CAND2: variants seen among roughly 807,000 people sequenced by gnomAD.
CAND2 encodes cullin-associated NEDD8-dissociated protein 2.
A neutral mutation model predicts 98.9 loss-of-function variants in CAND2; 62 were observed. The ratio of observed to expected loss-of-function variants is 0.63; its 90% CI spans 0.51 to 0.77. The LOEUF (loss-of-function observed/expected upper bound fraction) is 0.77, where lower values mean the gene tolerates loss of function less well. CAND2 is among the 30% of genes least tolerant of loss of function. The pLI, the probability that CAND2 is intolerant of heterozygous loss-of-function variation, is 0.00. For synonymous variants in CAND2, 770 were observed against 731.9 expected, an observed-to-expected ratio of 1.05 and a Z score of -0.84; for missense variants, 1,501 against 1,655.2, an observed-to-expected ratio of 0.91 and a Z score of 1.62.
chr3:12,810,005 G>A, intron 4 of CAND2, 54 bp from the exon 5 acceptor site: 1 of 1,389,460 alleles, frequency 7.2e-7, no homozygotes, highest in Non-Finnish European at 9.3e-7. Flanking sequence ...GGCGGAGCCT[G>A]GCCCAGGTTG....
chr3:12,815,696 G>T lies in CAND2; in HGVS notation c.1300-171G>T, dbSNP rs1160922668. Among the ~76,000 whole-genome samples the T allele has an allele frequency of 6.6e-6, 1 of 152,192 alleles. No individual in the cohort carries two copies. The highest frequency in any genetic ancestry group is 1.5e-5 in the Non-Finnish European group (1 of 68,042). Reference sequence around the variant, plus strand: ...CAGAAAATTTGCCTACTCTCCAAGGGTCTGTGTGCGGTCACCAAAAGCCTG... The same window carrying T: ...CAGAAAATTTGCCTACTCTCCAAGGTTCTGTGTGCGGTCACCAAAAGCCTG... On this transcript the variant is annotated intron_variant, in intron 8 of 14. Coordinates refer to ENST00000456430, the MANE Select transcript of CAND2 (RefSeq NM_001162499.2). The surrounding 1 kb of genome is among the most constrained non-coding windows in gnomAD (Gnocchi z 5.7).
chr3:12,822,335 C>T lies in CAND2; in HGVS notation c.3040+2154C>T, dbSNP rs570857152. Among the ~76,000 whole-genome samples, 7 of 147,216 alleles carry T rather than the reference C, an allele frequency of 4.8e-5. No individual in the cohort carries two copies. The South Asian group carries it at 1.5e-3, about 31-fold the overall frequency. ...TTTTTGAGAGAGTCTCACTCTGTCACCCAGGCTGGAAGGCAATGGCACAGT... is the reference window on the plus strand; with the variant it reads ...TTTTTGAGAGAGTCTCACTCTGTCATCCAGGCTGGAAGGCAATGGCACAGT... On this transcript the variant is annotated intron_variant, in intron 11 of 14. Coordinates refer to ENST00000456430, the MANE Select transcript of CAND2 (RefSeq NM_001162499.2).
At position 12,817,170 on chromosome 3, in the gene CAND2, G is replaced by C. The variant is rs748611101; in HGVS notation, c.2238G>C (p.Ser746=). 1 of 1,612,894 alleles carries C rather than the reference G, an allele frequency of 6.2e-7. No individual in the cohort carries two copies. Residue 746 remains serine, a synonymous_variant, in exon 10 of 15, where the codon TCG becomes TCC. Coordinates refer to ENST00000456430, the MANE Select transcript of CAND2 (RefSeq NM_001162499.2). ...VLSELLRLLR[S]PLLPAGVLAA... is the part of the protein sequence containing the mutation. Reference sequence around the variant, plus strand: ...CAGAGCTGCTGCGGCTGCTGCGTTCGCCCCTGTTGCCAGCCGGGGTTCTGG... The same window carrying C: ...CAGAGCTGCTGCGGCTGCTGCGTTCCCCCCTGTTGCCAGCCGGGGTTCTGG...
intron 10 of CAND2, among the ~76,000 whole-genome samples, chr3:12,819,094 CCTT>C (rs1361766425): frequency 1.3e-5 from 2 of 152,222 alleles, no homozygotes; most frequent in Non-Finnish European, 2.9e-5. Context: ...CTGCTAGTCT[CCTT>C]CTCACCTCCC....
Position 12,817,651 on chromosome 3 carries a change from G to A in CAND2, c.2719G>A (p.Glu907Lys), listed in dbSNP as rs2061920523. 2 of 1,612,440 alleles carry A rather than the reference G, an allele frequency of 1.2e-6. No homozygotes were observed. The highest frequency in any genetic ancestry group is 1.7e-6 in the Non-Finnish European group (2 of 1,179,492). Residue 907 changes from glutamate to lysine, a missense_variant, in exon 10 of 15, where the codon GAG (glutamate) becomes AAG (lysine). Transcript: ENST00000456430. ...LPFLLEQIEAEPRRQYLLLHS... is the reference protein window; with the variant it reads ...LPFLLEQIEAKPRRQYLLLHS... Reference sequence around the variant, plus strand: ...CTTCCTGCTGGAGCAGATCGAGGCTGAGCCCCGACGACAGTACCTGCTGCT... The same window carrying A: ...CTTCCTGCTGGAGCAGATCGAGGCTAAGCCCCGACGACAGTACCTGCTGCT...
In CAND2 at chr3:12,820,153, C is replaced by G; in HGVS notation, c.3012C>G (p.Pro1004=). The G allele has an allele frequency of 6.2e-7, 1 of 1,614,172 alleles. No homozygotes were observed. Among genetic ancestry groups the G allele is most frequent in the Admixed American group, 1.7e-5 (1 of 60,024 alleles). ...VKFLISDQPH[P]IDPLLKSFIG... ...TCCTTATCTCGGACCAGCCCCATCC[C>G]ATTGACCCCCTCCTGAAGAGCTTCA... Residue 1004 remains proline, a synonymous_variant, in exon 11 of 15, where the codon CCC becomes CCG. Coordinates refer to ENST00000456430, the MANE Select transcript of CAND2 (RefSeq NM_001162499.2).
In CAND2 at chr3:12,826,430, TTTG is replaced by T. The variant is rs558710513; in HGVS notation, c.3210+797_3210+799del. On this transcript the variant is annotated intron_variant, in intron 12 of 14. Coordinates refer to ENST00000456430, the MANE Select transcript of CAND2 (RefSeq NM_001162499.2). ...GCTTCAGAAAGACCTGGGTGTCTTTTTTGTTGTTTTTTTTTGAGACAGGATCTT... is the reference window on the plus strand; with the variant it reads ...GCTTCAGAAAGACCTGGGTGTCTTTTTTGTTTTTTTTTGAGACAGGATCTT... 9.3e-4 allele frequency among the ~76,000 whole-genome samples: 71 copies of T among 76,734 alleles called. 2 individuals are homozygous for T. The South Asian group carries it at 0.022, about 24-fold the overall frequency. The allele number at this position is 76,734 out of a possible 152,430, so 50.3% of individuals were successfully genotyped here.
intron 13 of CAND2, among the ~76,000 whole-genome samples, chr3:12,828,477 A>G (rs1187889755): frequency 2.0e-5 from 3 of 151,748 alleles, no homozygotes; most frequent in Non-Finnish European, 4.4e-5. Flanking sequence ...AGCTGGGACT[A>G]CAGGTGCCCA....
At chr3:12,819,039 A>G (rs1489528279) in intron 10 of CAND2, among the ~76,000 whole-genome samples, 1 of 152,172 alleles carries the variant, frequency 6.6e-6, no homozygotes, top group Non-Finnish European at 1.5e-5. Flanking sequence ...GTCTGCTTCT[A>G]GTAGGTTCCT....
Position 12,807,509 on chromosome 3 carries a change from T to C in CAND2, c.367+49T>C, listed in dbSNP as rs1369871455. 3 of 1,469,100 alleles carry C rather than the reference T, an allele frequency of 2.0e-6. No homozygotes were observed. In the African/African-American group the frequency reaches 5.4e-5, roughly 27 times the overall value. The allele number at this position is 1,469,100 out of a possible 1,614,324, so 91.0% of individuals were successfully genotyped here. ...TACTGTTAGTATTTGTCCTAGTTTA[T>C]GGTAAAAAAACAAACGAAAAAACAA... is the stretch of plus-strand genomic sequence containing the variant. On this transcript the variant is annotated intron_variant, in intron 3 of 14. Transcript: ENST00000456430.
chr3:12,806,852 A>C (rs1356482473), intron 2 of CAND2, among the ~76,000 whole-genome samples: 2 of 152,188 alleles, frequency 1.3e-5, no homozygotes, highest in African/African-American at 2.4e-5. Flanking sequence ...TTTGAGAAGC[A>C]AGCCTCTAAG....
Position 12,807,221 on chromosome 3 carries a change from G to A in CAND2, c.213-85G>A, listed in dbSNP as rs922441854. 23 of 1,299,346 alleles carry A rather than the reference G, an allele frequency of 1.8e-5. No homozygotes were observed. The Admixed American group carries it at 2.1e-4, about 12-fold the overall frequency. 80.5% of individuals were successfully genotyped at this position (1,299,346 alleles called of 1,614,324 possible). ...GGCCTTTTCCTCAGCACGTGTGGCC[G>A]CAGGAGCATGAGGGGACATAAAGGG... On this transcript the variant is annotated intron_variant, in intron 2 of 14. Coordinates refer to ENST00000456430, the MANE Select transcript of CAND2 (RefSeq NM_001162499.2).
chr3:12,813,514 C>A, intron 7 of CAND2, 126 bp downstream of exon 7: 1 of 876,530 alleles, frequency 1.1e-6, no homozygotes. Flanking sequence ...TCTCAAGCTC[C>A]AGTCCCACCC....
At chr3:12,806,443 A>G (rs975412538) in intron 2 of CAND2, among the ~76,000 whole-genome samples, 5 of 152,230 alleles carry the variant, frequency 3.3e-5, no homozygotes, top group African/African-American at 9.6e-5. Context: ...GGATGAGACT[A>G]TAGCACCCTG....
intron 12 of CAND2, 98 bp from the exon 13 acceptor site, chr3:12,827,342 C>T: frequency 8.4e-7 from 1 of 1,196,642 alleles, no homozygotes; most frequent in Non-Finnish European, 1.2e-6. Flanking sequence ...TTGGGGCTGG[C>T]ATGGATTGTG....
intron 5 of CAND2, among the ~76,000 whole-genome samples, chr3:12,811,275 G>A (rs1330417989): frequency 6.6e-6 from 1 of 152,162 alleles, no homozygotes; most frequent in Non-Finnish European, 1.5e-5. Context: ...AGGAAACTCG[G>A]GTCCCCAGAT....
chr3:12,804,067 G>A (rs1270419661), intron 2 of CAND2, among the ~76,000 whole-genome samples: 1 of 152,108 alleles, frequency 6.6e-6, no homozygotes, highest in Non-Finnish European at 1.5e-5. Context: ...GGGGTAGGAT[G>A]GAGGGTTGTC....
chr3:12,800,624 A>G (rs2061758767), intron 1 of CAND2, among the ~76,000 whole-genome samples: 1 of 152,244 alleles, frequency 6.6e-6, no homozygotes, highest in Admixed American at 6.5e-5. Flanking sequence ...GAGGGCAGCC[A>G]CAACCTGATT....
At chr3:12,821,173 G>A (rs568973159) in intron 11 of CAND2, among the ~76,000 whole-genome samples, 1 of 151,768 alleles carries the variant, frequency 6.6e-6, no homozygotes, top group South Asian at 2.1e-4. Context: ...GGTGAAGGTT[G>A]CAGTGAGCGG....
Sources: allele counts gnomAD v4.1 joint callset (sites outside exome capture counted in the v4.1 genomes callset), GRCh38; gene constraint gnomAD v4.1.1; non-coding constraint Gnocchi (gnomAD v3.1); transcripts MANE v1.5; gene names NCBI Gene and HGNC (gene_info 2026-07-23, HGNC 2026-07-21).